The following KCNQ1OT1 variants were observed in gnomAD, a reference collection of about 807,000 sequenced individuals.
KCNQ1OT1 encodes the protein KCNQ1 antisense RNA 2 (non-protein coding).
chr11:2,635,175 CTTTAG>C (rs1344623789), exon 1 of KCNQ1OT1: 1 of 152,138 alleles, frequency 6.6e-6, no homozygotes, highest in African/African-American at 2.4e-5. Flanking sequence ...TGCAGAAGCT[CTTTAG>C]TTTAATTAGA....
rs9666537 is a variant in KCNQ1OT1 at position 2,664,634 on chromosome 11, T to C, written n.35361A>G. On this transcript the variant is annotated non_coding_transcript_exon_variant, in exon 1 of 1. Transcript: ENST00000597346. The surrounding 1 kb of genome is among the most constrained non-coding windows in gnomAD (Gnocchi z 5.1). ...CCGCCCAGTGATGCCCATAATTAAA[T>C]TCGGCTCCAGCTGCTCAGGGATGCA... 0.73 allele frequency: 292,739 copies of C among 398,470 alleles called. 108,324 individuals are homozygous for C. Among genetic ancestry groups the C allele is most frequent in the East Asian group, 0.91 (25,653 of 28,038 alleles). 24.7% of individuals were successfully genotyped at this position (398,470 alleles called of 1,614,324 possible).
At position 2,668,870 on chromosome 11, in the gene KCNQ1OT1, T is replaced by G. The variant is rs772994014; in HGVS notation, n.31125A>C. 12 of 398,538 alleles carry G rather than the reference T, an allele frequency of 3.0e-5. No individual in the cohort carries two copies. Among genetic ancestry groups the G allele is most frequent in the African/African-American group, 6.2e-5 (3 of 48,632 alleles). 24.7% of individuals were successfully genotyped at this position (398,538 alleles called of 1,614,324 possible). Reference sequence around the variant, plus strand: ...TGTTTGTGTCCTATTTAAGAAACTTTGACTACTCCAAGGTCATAAAGATAT... The same window carrying G: ...TGTTTGTGTCCTATTTAAGAAACTTGGACTACTCCAAGGTCATAAAGATAT... On this transcript the variant is annotated non_coding_transcript_exon_variant, in exon 1 of 1. Coordinates refer to ENST00000597346, the Ensembl canonical transcript of KCNQ1OT1. This position sits in a 1 kb window ranked among gnomAD's most constrained non-coding sequence, Gnocchi z 4.3.
chr11:2,640,380 G>A (rs1849554606), exon 1 of KCNQ1OT1: 2 of 398,500 alleles, frequency 5.0e-6, no homozygotes, highest in Non-Finnish European at 8.8e-6. Context: ...TTAACTCCCA[G>A]GCTCAAGTCA....
Position 2,619,224 on chromosome 11 carries a change from T to G in KCNQ1OT1, n.80771A>C, listed in dbSNP as rs546120093. ...CTTCCAGTACTATGTTGAGTAGTAG[T>G]AGCTAGAGTGGGCATCCTTGCCTTG... is the stretch of plus-strand genomic sequence containing the variant. On this transcript the variant is annotated non_coding_transcript_exon_variant, in exon 1 of 1. Coordinates refer to ENST00000597346, the Ensembl canonical transcript of KCNQ1OT1. 1.0e-5 allele frequency: 4 copies of G among 398,566 alleles called. No homozygotes were observed. In the East Asian group the frequency reaches 1.4e-4, roughly 14 times the overall value. 24.7% of individuals were successfully genotyped at this position (398,566 alleles called of 1,614,324 possible). A position where few individuals can be genotyped will look rare whatever the true frequency, so the allele number is the denominator to read the frequency against.
chr11:2,692,680 G>C (rs1850607928), exon 1 of KCNQ1OT1: 5 of 398,598 alleles, frequency 1.3e-5, no homozygotes, highest in Non-Finnish European at 2.2e-5. Flanking sequence ...ACATTAGTTA[G>C]TCTTTCTCCC....
rs1850576098 is a variant in KCNQ1OT1, at chr11:2,690,838, A to G, written n.9157T>C. 2.5e-6 allele frequency: 1 copy of G among 398,566 alleles called. No homozygotes were observed. 24.7% of individuals were successfully genotyped at this position (398,566 alleles called of 1,614,324 possible). The stretch of plus-strand genomic sequence containing the variant: ...CCAGCTTCCAGGCTCTGGCACTCCC[A>G]CTGTTAGGAACAGGTACCTTTAGGG... On this transcript the variant is annotated non_coding_transcript_exon_variant, in exon 1 of 1. Coordinates refer to ENST00000597346, the Ensembl canonical transcript of KCNQ1OT1. The surrounding 1 kb of genome is among the most constrained non-coding windows in gnomAD (Gnocchi z 5.1).
At chr11:2,681,817 G>C in exon 1 of KCNQ1OT1, 1 of 398,494 alleles carries the variant, frequency 2.5e-6, no homozygotes, top group Non-Finnish European at 4.4e-6. Context: ...TCAGGTTATG[G>C]TCATATCATC....
rs1850036132 is a variant in KCNQ1OT1, at chr11:2,664,885, A to G, written n.35110T>C. 2.5e-6 allele frequency: 1 copy of G among 398,516 alleles called. No homozygotes were observed. Among genetic ancestry groups the G allele is most frequent in the African/African-American group, 2.1e-5 (1 of 48,624 alleles). 24.7% of individuals were successfully genotyped at this position (398,516 alleles called of 1,614,324 possible). A position where few individuals can be genotyped will look rare whatever the true frequency, so the allele number is the denominator to read the frequency against. On this transcript the variant is annotated non_coding_transcript_exon_variant, in exon 1 of 1. Transcript: ENST00000597346. This position sits in a 1 kb window ranked among gnomAD's most constrained non-coding sequence, Gnocchi z 5.1. ...AGAATTCAAATTAAAAACATAAATA[A>G]AGACACATTTTGTTTCCATCTCGAG...
Position 2,682,020 on chromosome 11 carries a change from CAAG to C in KCNQ1OT1, n.17972_17974del. The C allele has an allele frequency of 2.5e-6, 1 of 398,612 alleles. No individual in the cohort carries two copies. The highest frequency in any genetic ancestry group is 4.4e-6 in the Non-Finnish European group (1 of 226,058). 24.7% of individuals were successfully genotyped at this position (398,612 alleles called of 1,614,324 possible). ...CTAATCCTCACAGCAGCTTTTAACA[CAAG>C]AATATTATCACTCCTGTTTTATAGA... On this transcript the variant is annotated non_coding_transcript_exon_variant, in exon 1 of 1. Transcript: ENST00000597346. This position sits in a 1 kb window ranked among gnomAD's most constrained non-coding sequence, Gnocchi z 5.8.
In KCNQ1OT1 at chr11:2,698,861, C is replaced by G; in HGVS notation, n.1134G>C. 5.0e-6 allele frequency: 2 copies of G among 398,818 alleles called. No individual in the cohort carries two copies. Among genetic ancestry groups the G allele is most frequent in the Middle Eastern group, 1.3e-3 (2 of 1,588 alleles). The allele number at this position is 398,818 out of a possible 1,614,324, so 24.7% of individuals were successfully genotyped here. The stretch of plus-strand genomic sequence containing the variant: ...CCACCATGCGGACTCCAGACCCGGA[C>G]TGACTGGGACCCCAACTACTCAGAT... On this transcript the variant is annotated non_coding_transcript_exon_variant, in exon 1 of 1. Transcript: ENST00000597346. This position sits in a 1 kb window ranked among gnomAD's most constrained non-coding sequence, Gnocchi z 5.1.
rs552318142 is a variant in KCNQ1OT1, at chr11:2,668,687, T to C, written n.31308A>G. 3 of 398,406 alleles carry C rather than the reference T, an allele frequency of 7.5e-6. No individual in the cohort carries two copies. The South Asian group carries it at 3.8e-4, about 51-fold the overall frequency. The allele number at this position is 398,406 out of a possible 1,614,324, so 24.7% of individuals were successfully genotyped here. ...TGGAGTCATTTGTCAGAGAGAGAGA[T>C]ACACACACTCACACTCTCTCACAGA... On this transcript the variant is annotated non_coding_transcript_exon_variant, in exon 1 of 1. Coordinates refer to ENST00000597346, the Ensembl canonical transcript of KCNQ1OT1. This position sits in a 1 kb window ranked among gnomAD's most constrained non-coding sequence, Gnocchi z 4.3.
exon 1 of KCNQ1OT1, chr11:2,616,724 C>G: frequency 2.5e-6 from 1 of 398,242 alleles, no homozygotes; most frequent in Non-Finnish European, 4.4e-6. Context: ...AGATTTCTGG[C>G]CTCACTATAT....
At position 2,655,119 on chromosome 11, in the gene KCNQ1OT1, C is replaced by T. The variant is rs1441836634; in HGVS notation, n.44876G>A. On this transcript the variant is annotated non_coding_transcript_exon_variant, in exon 1 of 1. Transcript: ENST00000597346. Reference sequence around the variant, plus strand: ...ATAAAATTCAAATCCCCCTATCGAGCAGGACCACTGACTAGAAAGGAGGAT... The same window carrying T: ...ATAAAATTCAAATCCCCCTATCGAGTAGGACCACTGACTAGAAAGGAGGAT... 1.0e-5 allele frequency: 4 copies of T among 398,478 alleles called. No homozygotes were observed. In the East Asian group the frequency reaches 1.1e-4, roughly 11 times the overall value. 24.7% of individuals were successfully genotyped at this position (398,478 alleles called of 1,614,324 possible).
chr11:2,697,151 G>A (rs1284426932), exon 1 of KCNQ1OT1: 1 of 398,386 alleles, frequency 2.5e-6, no homozygotes, highest in Non-Finnish European at 4.4e-6. Flanking sequence ...TGACCCCAGT[G>A]GAATATGTGC....
rs954895413 is a variant in KCNQ1OT1 at position 2,647,621 on chromosome 11, C to A, written n.52374G>T. 2.5e-6 allele frequency: 1 copy of A among 398,514 alleles called. No individual in the cohort carries two copies. The highest frequency in any genetic ancestry group is 1.3e-4 in the South Asian group (1 of 7,860). 24.7% of individuals were successfully genotyped at this position (398,514 alleles called of 1,614,324 possible). On this transcript the variant is annotated non_coding_transcript_exon_variant, in exon 1 of 1. Transcript: ENST00000597346. The surrounding 1 kb of genome is among the most constrained non-coding windows in gnomAD (Gnocchi z 4.0). ...GGTAGAATTCAGTAGAAAACCCGTGCAATCCTGAGGTTTTCTTTACTGGGA... is the reference window on the plus strand; with the variant it reads ...GGTAGAATTCAGTAGAAAACCCGTGAAATCCTGAGGTTTTCTTTACTGGGA...
In KCNQ1OT1 at chr11:2,670,290, T is replaced by C. The variant is rs1010102628; in HGVS notation, n.29705A>G. On this transcript the variant is annotated non_coding_transcript_exon_variant, in exon 1 of 1. Coordinates refer to ENST00000597346, the Ensembl canonical transcript of KCNQ1OT1. The surrounding 1 kb of genome is among the most constrained non-coding windows in gnomAD (Gnocchi z 4.9). ...TGGTAGCTTGTCTCTAGGCAACCCA[T>C]AGGTGCCCAATGGAGAGATAATCTC... is the stretch of plus-strand genomic sequence containing the variant. 2.0e-5 allele frequency: 8 copies of C among 398,416 alleles called. No homozygotes were observed. The highest frequency in any genetic ancestry group is 1.4e-4 in the African/African-American group (7 of 48,604). 24.7% of individuals were successfully genotyped at this position (398,416 alleles called of 1,614,324 possible).
chr11:2,633,280 G>C, exon 1 of KCNQ1OT1: 1 of 398,422 alleles, frequency 2.5e-6, no homozygotes, highest in Non-Finnish European at 4.4e-6. Context: ...GTATATTCCG[G>C]ATATTAATCC....
At chr11:2,641,299 C>T (rs960362393) in exon 1 of KCNQ1OT1, 1 of 398,468 alleles carries the variant, frequency 2.5e-6, no homozygotes, top group Non-Finnish European at 4.4e-6. Context: ...GTTCCCTCCA[C>T]ATCCTCTCCA....
At chr11:2,628,400 C>T in exon 1 of KCNQ1OT1, 1 of 398,440 alleles carries the variant, frequency 2.5e-6, no homozygotes. Context: ...ATGTTAAGCA[C>T]CTTTTTATAT....
Sources: allele counts gnomAD v4.1 joint callset, GRCh38; gene constraint gnomAD v4.1.1; non-coding constraint Gnocchi (gnomAD v3.1); transcripts MANE v1.5; gene names NCBI Gene and HGNC (gene_info 2026-07-23, HGNC 2026-07-21).